Variants in DMP1 observed in about 807,000 individuals in gnomAD.
The protein encoded by DMP1 is dentin matrix acidic phosphoprotein 1.
A neutral mutation model predicts 14.6 loss-of-function variants in DMP1; 20 were observed. The ratio of observed to expected loss-of-function variants is 1.37; its 90% confidence interval spans 0.96 to 1.99. The LOEUF (loss-of-function observed/expected upper bound fraction) is 1.99. Ranked by LOEUF, DMP1 falls within the 30% of genes most tolerant of loss-of-function variation. The pLI is 0.00. For synonymous variants in DMP1, 197 were observed against 215.3 expected (o/e 0.91, Z 0.75); for missense variants, 567 against 620.5 (o/e 0.91, Z 0.92).
intron 3 of DMP1, chr4:87,658,651 T>C (rs2615477): frequency 0.78 from 120,737 of 154,802 alleles, 47,681 homozygotes; most frequent in East Asian, 0.89. Context: ...TGGTTTCATC[T>C]TCATAACTAC....
At position 87,657,025 on chromosome 4, in the gene DMP1, T is replaced by C; in HGVS notation, c.55-7T>C. 6.6e-7 allele frequency: 1 copy of C among 1,522,540 alleles called. No homozygotes were observed. The highest frequency in any genetic ancestry group is 9.1e-7 in the Non-Finnish European group (1 of 1,096,950). 94.3% of individuals were successfully genotyped at this position (1,522,540 alleles called of 1,614,324 possible). ...TTTGGATTTACCATGTGTACTAAAT[T>C]TTCTAGGTAACCAGGTATCAAAATA... On this transcript the variant is annotated splice_region_variant and splice_polypyrimidine_tract_variant and intron_variant, in intron 2 of 5. Transcript: ENST00000339673.
chr4:87,653,180 A>G (rs1273930922), intron 1 of DMP1, among the ~76,000 whole-genome samples: 1 of 151,614 alleles, frequency 6.6e-6, no homozygotes, highest in Non-Finnish European at 1.5e-5. Flanking sequence ...AATTAAGAAT[A>G]ACTATGCTGA....
At position 87,662,593 on chromosome 4, in the gene DMP1, G is replaced by A. The variant is rs145237146; in HGVS notation, c.815G>A (p.Arg272His). Residue 272 changes from arginine (R) to histidine (H), a missense_variant, in exon 6 of 6, where the codon CGC (arginine) becomes CAC (histidine). Transcript: ENST00000339673. Reference protein sequence around the residue: ...HPSRKIFRKSRISEEDDRSEL... With the variant: ...HPSRKIFRKSHISEEDDRSEL... Reference sequence around the variant, plus strand: ...AGTAGGAAAATTTTTAGGAAGTCTCGCATCTCAGAGGAAGATGACAGAAGC... The same window carrying A: ...AGTAGGAAAATTTTTAGGAAGTCTCACATCTCAGAGGAAGATGACAGAAGC... The A allele has an allele frequency of 1.9e-3, 3,112 of 1,614,046 alleles. 5 individuals are homozygous for A. Among genetic ancestry groups the A allele is most frequent in the Middle Eastern group, 6.8e-3 (41 of 6,062 alleles).
intron 1 of DMP1, among the ~76,000 whole-genome samples, chr4:87,655,531 C>T (rs963384337): frequency 1.3e-5 from 1 of 79,150 alleles, no homozygotes. Context: ...AAACGTGTCA[C>T]AGTAGATATT....
intron 1 of DMP1, among the ~76,000 whole-genome samples, chr4:87,653,597 G>T (rs1286334307): frequency 6.6e-6 from 1 of 150,928 alleles, no homozygotes; most frequent in African/African-American, 2.4e-5. Flanking sequence ...GGTTAATTAT[G>T]ATATTTTTAA....
At position 87,656,532 on chromosome 4, in the gene DMP1, T is replaced by C; in HGVS notation, c.40T>C (p.Ser14Pro). The part of the protein sequence containing the change: ...SILLMFLWGL[S>P]CALPVTRYQN... ...CCTGCTCATGTTCCTTTGGGGATTA[T>C]CCTGTGCTCTCCCAGTAAGTATTAG... The change falls in exon 2 of 6, where the codon TCC (serine) becomes CCC (proline). Residue 14 changes from serine (S) to proline (P), a missense_variant. By Grantham distance (74) the Ser-to-Pro change is moderately conservative. Coordinates refer to ENST00000339673, the MANE Select transcript of DMP1 (RefSeq NM_004407.4). 1 of 1,608,222 alleles carries C rather than the reference T, an allele frequency of 6.2e-7. No homozygotes were observed. The highest frequency in any genetic ancestry group is 8.5e-7 in the Non-Finnish European group (1 of 1,174,754).
In DMP1 at chr4:87,662,184, A is replaced by G. The variant is rs1297376021; in HGVS notation, c.406A>G (p.Ser136Gly). Residue 136 changes from serine to glycine, a missense_variant, in exon 6 of 6, where the codon AGT becomes GGT. Ser to Gly is a moderately conservative substitution (Grantham distance 56). Coordinates refer to ENST00000339673, the MANE Select transcript of DMP1 (RefSeq NM_004407.4). ...RQEGGNSRLGSDEDSDDTIQA... is the reference protein window; with the variant it reads ...RQEGGNSRLGGDEDSDDTIQA... ...AGAAGGAGGAAACTCCAGACTGGGA[A>G]GTGATGAGGACTCTGATGACACCAT... is the stretch of plus-strand genomic sequence containing the variant. The G allele has an allele frequency of 1.2e-6, 2 of 1,614,240 alleles. No individual in the cohort carries two copies. The highest frequency in any genetic ancestry group is 1.3e-5 in the African/African-American group (1 of 75,054).
chr4:87,656,958 A>G, intron 2 of DMP1, 74 bp from the exon 3 acceptor site: 8 of 918,902 alleles, frequency 8.7e-6, no homozygotes, highest in South Asian at 6.7e-5. Flanking sequence ...CCCTACTCCT[A>G]TGTATGAAAT....
intron 1 of DMP1, among the ~76,000 whole-genome samples, chr4:87,655,526 T>C (rs1166506160): frequency 6.6e-6 from 1 of 150,494 alleles, no homozygotes; most frequent in Non-Finnish European, 1.5e-5. Flanking sequence ...TGACTAAACG[T>C]GTCACAGTAG....
At chr4:87,658,926 T>A in intron 3 of DMP1, 1 of 401,336 alleles carries the variant, frequency 2.5e-6, no homozygotes, top group Non-Finnish European at 4.5e-6. Flanking sequence ...GTGTTACGTT[T>A]CCTCTAGGTT....
Position 87,662,492 on chromosome 4 carries a change from A to G in DMP1, c.714A>G (p.Lys238=). The stretch of plus-strand genomic sequence containing the variant: ...CCAGAATGAACAGTGCAGGCATGAA[A>G]TCAAAAGAATCTGGAGAAAACAGTG... ...GNSRMNSAGM[K]SKESGENSEQ... Residue 238 remains lysine, a synonymous_variant, in exon 6 of 6, where the codon AAA becomes AAG. Coordinates refer to ENST00000339673, the MANE Select transcript of DMP1 (RefSeq NM_004407.4). The G allele has an allele frequency of 1.2e-6, 2 of 1,614,202 alleles. No homozygotes were observed. Among genetic ancestry groups the G allele is most frequent in the Non-Finnish European group, 1.7e-6 (2 of 1,180,036 alleles).
chr4:87,662,470 G>C lies in DMP1; in HGVS notation c.692G>C (p.Arg231Thr). ...ATCAGGAGTGAAAGGGGAAACTCCA[G>C]AATGAACAGTGCAGGCATGAAATCA... ...ESIRSERGNS[R>T]MNSAGMKSKE... Residue 231 changes from arginine to threonine, a missense_variant, in exon 6 of 6, where the codon AGA becomes ACA. Arg to Thr is a moderately conservative substitution (Grantham distance 71). Coordinates refer to ENST00000339673, the MANE Select transcript of DMP1 (RefSeq NM_004407.4). The C allele has an allele frequency of 6.2e-7, 1 of 1,614,206 alleles. No homozygotes were observed. Among genetic ancestry groups the C allele is most frequent in the Non-Finnish European group, 8.5e-7 (1 of 1,180,048 alleles).
rs746369070 is a variant in DMP1, at chr4:87,657,096, C to G, written c.102+17C>G. 2.1e-6 allele frequency: 3 copies of G among 1,427,876 alleles called. No homozygotes were observed. The highest frequency in any genetic ancestry group is 2.8e-5 in the African/African-American group (2 of 71,220). The allele number at this position is 1,427,876 out of a possible 1,614,324, so 88.5% of individuals were successfully genotyped here. On this transcript the variant is annotated intron_variant, in intron 3 of 5. Coordinates refer to ENST00000339673, the MANE Select transcript of DMP1 (RefSeq NM_004407.4). The stretch of plus-strand genomic sequence containing the variant: ...GAATGGAAGGTGAGTAGAAATATGA[C>G]TTTTTGAAATATTTTAATTTTAATT...
rs2110012682 is a variant in DMP1, at chr4:87,657,035, A to G, written c.58A>G (p.Thr20Ala). Residue 20 changes from threonine (T) to alanine (A), a missense_variant, in exon 3 of 6, where the codon ACC (threonine) becomes GCC (alanine). Transcript: ENST00000339673. ...CCATGTGTACTAAATTTTCTAGGTA[A>G]CCAGGTATCAAAATAATGAATCTGA... ...LWGLSCALPV[T>A]RYQNNESEDS... is the part of the protein sequence containing the mutation. The G allele has an allele frequency of 6.5e-7, 1 of 1,546,802 alleles. No individual in the cohort carries two copies. Among genetic ancestry groups the G allele is most frequent in the Non-Finnish European group, 8.9e-7 (1 of 1,118,996 alleles).
chr4:87,651,931 G>A (rs1728539362), intron 1 of DMP1, among the ~76,000 whole-genome samples: 1 of 152,104 alleles, frequency 6.6e-6, no homozygotes, highest in Non-Finnish European at 1.5e-5. Flanking sequence ...TTTTACAAAT[G>A]TATCTTAACC....
In DMP1 at chr4:87,663,268, A is replaced by T. The variant is rs376245118; in HGVS notation, c.1490A>T (p.His497Leu). ...CGGAAATTAACAGTTGATGCCTATC[A>T]CAACAAACCCATTGGGGACCAAGAT... The part of the protein sequence containing the change: ...ESRKLTVDAY[H>L]NKPIGDQDDN... Residue 497 changes from histidine to leucine, a missense_variant, in exon 6 of 6, where the codon CAC (histidine) becomes CTC (leucine). Transcript: ENST00000339673. 2 of 1,614,156 alleles carry T rather than the reference A, an allele frequency of 1.2e-6. No homozygotes were observed. Among genetic ancestry groups the T allele is most frequent in the Non-Finnish European group, 1.7e-6 (2 of 1,180,050 alleles).
Position 87,662,564 on chromosome 4 carries a change from T to A in DMP1, c.786T>A (p.His262Gln). Residue 262 changes from histidine (H) to glutamine (Q), a missense_variant, in exon 6 of 6, where the codon CAT becomes CAA. Physicochemically the swap from His to Gln is conservative, Grantham distance 24. Transcript: ENST00000339673. ...CAGGTGGCAGCCAATTGCTGGAGCATCCCAGTAGGAAAATTTTTAGGAAGT... is the reference window on the plus strand; with the variant it reads ...CAGGTGGCAGCCAATTGCTGGAGCAACCCAGTAGGAAAATTTTTAGGAAGT... ...QDSGGSQLLEHPSRKIFRKSR... is the reference protein window; with the variant it reads ...QDSGGSQLLEQPSRKIFRKSR... The A allele has an allele frequency of 1.2e-6, 2 of 1,614,054 alleles. No homozygotes were observed. The highest frequency in any genetic ancestry group is 1.3e-5 in the African/African-American group (1 of 75,012).
At chr4:87,656,023 T>G (rs1050368353) in intron 1 of DMP1, among the ~76,000 whole-genome samples, 1 of 152,176 alleles carries the variant, frequency 6.6e-6, no homozygotes, top group Non-Finnish European at 1.5e-5. Flanking sequence ...CTCAGTGGTT[T>G]TCAGTATGTT....
Position 87,659,062 on chromosome 4 carries a change from T to A in DMP1, c.103-158T>A. 16 of 734,278 alleles carry A rather than the reference T, an allele frequency of 2.2e-5. 1 individual carries two copies. The South Asian group carries it at 2.8e-4, about 13-fold the overall frequency. 45.5% of individuals were successfully genotyped at this position (734,278 alleles called of 1,614,324 possible). A position where few individuals can be genotyped will look rare whatever the true frequency, so the allele number is the denominator to read the frequency against. On this transcript the variant is annotated intron_variant, in intron 3 of 5. Coordinates refer to ENST00000339673, the MANE Select transcript of DMP1 (RefSeq NM_004407.4). ...GCCATTAGTCATTTTACTTTCCTTT[T>A]GGAACCATTTCATCATAAAATTTCA...
Sources: gnomAD v4.1 joint callset for allele counts (sites outside exome capture counted in the v4.1 genomes callset) on GRCh38, gnomAD v4.1.1 for gene constraint, MANE v1.5 for transcripts, NCBI Gene and HGNC (gene_info 2026-07-23, HGNC 2026-07-21) for gene names.